Variants in GPC6 observed in about 807,000 individuals in gnomAD.
The protein encoded by GPC6 is glypican 6, also known as glypican-6.
GPC6 carries 14 observed loss-of-function variants against 55.2 expected under a neutral mutation model. That is an observed-to-expected ratio of 0.25 (90% CI 0.17 to 0.40). GPC6 has a LOEUF of 0.40. GPC6 is among the 10% of genes least tolerant of loss of function. GPC6 has a pLI of 1.00. For missense variants in GPC6, 641 were observed against 708.5 expected (o/e 0.90, Z 1.08); for synonymous variants, 278 against 259.6 (o/e 1.07, Z -0.68).
At chr13:93,977,937 G>C (rs1256837336) in intron 3 of GPC6, among the ~76,000 whole-genome samples, 1 of 152,166 alleles carries the variant, frequency 6.6e-6, no homozygotes, top group Non-Finnish European at 1.5e-5. Context: ...GCAGAGCTTT[G>C]ATTACTGTCT....
intron 1 of GPC6, among the ~76,000 whole-genome samples, chr13:93,457,833 TA>T (rs142486530): frequency 0.23 from 34,378 of 149,666 alleles, 4,442 homozygotes; most frequent in Middle Eastern, 0.35. Flanking sequence ...CGATCAATAT[TA>T]AAAAAAAAAG....
chr13:94,248,390 G>C (rs1424027420), intron 4 of GPC6, among the ~76,000 whole-genome samples: 1 of 152,070 alleles, frequency 6.6e-6, no homozygotes, highest in Non-Finnish European at 1.5e-5. Context: ...ATTTGAATTA[G>C]AGATGAGATA....
chr13:94,114,882 T>C (rs1886379660), intron 4 of GPC6, among the ~76,000 whole-genome samples: 1 of 152,136 alleles, frequency 6.6e-6, no homozygotes. Flanking sequence ...TTTTTTTCCA[T>C]TTTGCAGGTT....
chr13:93,488,809 A>T (rs1025374721), intron 1 of GPC6, among the ~76,000 whole-genome samples: 19 of 151,828 alleles, frequency 1.3e-4, no homozygotes, highest in Non-Finnish European at 2.2e-4. Context: ...CCACTTTTTG[A>T]TGGGGTTGTT....
chr13:93,583,331 A>C (rs1877023372), intron 2 of GPC6, among the ~76,000 whole-genome samples: 1 of 142,544 alleles, frequency 7.0e-6, no homozygotes, highest in Non-Finnish European at 1.5e-5. Flanking sequence ...TTTAAAAGTA[A>C]TGCACATTGT....
intron 2 of GPC6, among the ~76,000 whole-genome samples, chr13:93,693,259 ACAAT>A (rs761466398): frequency 4.6e-5 from 7 of 152,096 alleles, no homozygotes; most frequent in Non-Finnish European, 5.9e-5. Flanking sequence ...CACATAAATA[ACAAT>A]CAAGGTAATT....
chr13:93,657,362 A>G (rs952124517), intron 2 of GPC6, among the ~76,000 whole-genome samples: 2 of 152,154 alleles, frequency 1.3e-5, no homozygotes, highest in Non-Finnish European at 2.9e-5. Flanking sequence ...AGGACTTTCT[A>G]TTCAATAAAT....
intron 2 of GPC6, among the ~76,000 whole-genome samples, chr13:93,619,243 A>G (rs999369644): frequency 1.3e-5 from 2 of 152,154 alleles, no homozygotes; most frequent in Admixed American, 6.6e-5. Flanking sequence ...TTCAGTGAAG[A>G]CATCCTGTCT....
chr13:93,715,764 A>G (rs1883231774), intron 2 of GPC6, among the ~76,000 whole-genome samples: 1 of 151,688 alleles, frequency 6.6e-6, no homozygotes, highest in South Asian at 2.1e-4. Context: ...GATTATTTTA[A>G]ACTACATTGG....
intron 4 of GPC6, among the ~76,000 whole-genome samples, chr13:94,185,370 A>G (rs189809213): frequency 2.0e-5 from 3 of 151,954 alleles, no homozygotes; most frequent in Admixed American, 1.3e-4. Flanking sequence ...TCATCCTTTC[A>G]TTTCACACAT....
At chr13:94,121,750 A>C in intron 4 of GPC6, among the ~76,000 whole-genome samples, 1 of 152,256 alleles carries the variant, frequency 6.6e-6, no homozygotes, top group East Asian at 1.9e-4. Context: ...AAAGATTATC[A>C]TCAGTACTTC....
intron 6 of GPC6, among the ~76,000 whole-genome samples, chr13:94,316,040 C>T (rs192269439): frequency 6.6e-6 from 1 of 152,246 alleles, no homozygotes; most frequent in African/African-American, 2.4e-5. Context: ...CCCAGGGAAG[C>T]CAAAAGATTG....
chr13:93,665,478 CTG>C (rs1229645923), intron 2 of GPC6, among the ~76,000 whole-genome samples: 1 of 151,772 alleles, frequency 6.6e-6, no homozygotes, highest in African/African-American at 2.4e-5. Flanking sequence ...TTGAAAAAGA[CTG>C]TGTGTGTGTA....
chr13:94,337,752 G>GTAGT (rs1456850456), intron 6 of GPC6, among the ~76,000 whole-genome samples: 1 of 152,160 alleles, frequency 6.6e-6, no homozygotes, highest in East Asian at 1.9e-4. Context: ...ACTTAAAAAG[G>GTAGT]TAGTTAGCTG....
chr13:94,323,467 T>C (rs1248956709), intron 6 of GPC6, among the ~76,000 whole-genome samples: 2 of 152,318 alleles, frequency 1.3e-5, no homozygotes, highest in East Asian at 3.9e-4. Context: ...TTAGCTGTTA[T>C]TCTTATTAAT....
intron 4 of GPC6, among the ~76,000 whole-genome samples, chr13:94,085,993 C>T (rs1271215345): frequency 6.6e-6 from 1 of 152,144 alleles, no homozygotes; most frequent in African/African-American, 2.4e-5. Flanking sequence ...AATATCCCTT[C>T]TGTTCTGTAA....
At chr13:94,078,463 A>T (rs772501588) in intron 4 of GPC6, among the ~76,000 whole-genome samples, 1 of 151,910 alleles carries the variant, frequency 6.6e-6, no homozygotes, top group African/African-American at 2.4e-5. Context: ...CAAAACTAAG[A>T]GTTGGTTTTT....
intron 2 of GPC6, among the ~76,000 whole-genome samples, chr13:93,675,484 A>G (rs1481619067): frequency 6.6e-6 from 1 of 152,076 alleles, no homozygotes; most frequent in African/African-American, 2.4e-5. Flanking sequence ...TCCTTTTTCT[A>G]CATCAATTAT....
At chr13:93,852,658 C>T (rs1888446371) in intron 3 of GPC6, among the ~76,000 whole-genome samples, 1 of 151,584 alleles carries the variant, frequency 6.6e-6, no homozygotes, top group Non-Finnish European at 1.5e-5. Flanking sequence ...ACTTTTTCCC[C>T]ACAAACTCTC....
Sources: allele counts gnomAD v4.1 joint callset (sites outside exome capture counted in the v4.1 genomes callset), GRCh38; gene constraint gnomAD v4.1.1; transcripts MANE v1.5; gene names NCBI Gene and HGNC (gene_info 2026-07-23, HGNC 2026-07-21).